ARHGAP44: variants seen among roughly 807,000 people sequenced by gnomAD.
ARHGAP44 encodes rho GTPase-activating protein 44.
ARHGAP44 carries 43 observed loss-of-function variants against 106.8 expected under a neutral mutation model. The ratio of observed to expected loss-of-function variants is 0.40; its 90% CI spans 0.32 to 0.52. The LOEUF (loss-of-function observed/expected upper bound fraction) is 0.52. Among genes scored for constraint, ARHGAP44 ranks in the 20% least tolerant of loss-of-function variants. The pLI is 0.48. For synonymous variants in ARHGAP44, 439 were observed against 410.3 expected (o/e 1.07, Z -0.85); for missense variants, 866 against 1,050.5 (o/e 0.82, Z 2.43).
chr17:12,860,883 A>G (rs1404635104), intron 1 of ARHGAP44, among the ~76,000 whole-genome samples: 11 of 134,232 alleles, frequency 8.2e-5, no homozygotes, highest in African/African-American at 3.2e-4. Flanking sequence ...TTTTTTTGAG[A>G]CAAGGTCTTG....
At chr17:12,950,081 C>T (rs1462157796) in intron 12 of ARHGAP44, among the ~76,000 whole-genome samples, 1 of 152,132 alleles carries the variant, frequency 6.6e-6, no homozygotes, top group Non-Finnish European at 1.5e-5. Context: ...AACAAGGACT[C>T]CTGTGACATT....
In ARHGAP44 at chr17:12,831,092, T is replaced by C. The variant is rs866001778; in HGVS notation, c.53+41201T>C. ...GGCTCGCTTTCAAAGGAATTAAGTA[T>C]TGAGTGTTTACTATGCTCCAGAACA... On this transcript the variant is annotated intron_variant, in intron 1 of 20. Coordinates refer to ENST00000379672, the MANE Select transcript of ARHGAP44 (RefSeq NM_014859.6). 3.3e-5 allele frequency among the ~76,000 whole-genome samples: 5 copies of C among 152,366 alleles called. No homozygotes were observed. The Middle Eastern group carries it at 0.01, about 311-fold the overall frequency.
At chr17:12,966,085 G>T (rs2039383196) in intron 16 of ARHGAP44, among the ~76,000 whole-genome samples, 2 of 152,054 alleles carry the variant, frequency 1.3e-5, no homozygotes, top group Middle Eastern at 3.4e-3. Context: ...GAGCCTGGGA[G>T]GTGGAGGCTG....
intron 19 of ARHGAP44, 32 bp downstream of exon 19, chr17:12,980,265 A>C (rs1270971928): frequency 3.2e-6 from 5 of 1,571,720 alleles, no homozygotes; most frequent in African/African-American, 2.7e-5. Context: ...CCTTGGTCTC[A>C]GGCCGGAGGT....
intron 18 of ARHGAP44, among the ~76,000 whole-genome samples, 183 bp downstream of exon 18, chr17:12,974,493 A>G (rs2039621933): frequency 6.6e-6 from 1 of 152,148 alleles, no homozygotes; most frequent in African/African-American, 2.4e-5. Flanking sequence ...TGCCTGGATT[A>G]TCACACGAAG....
At chr17:12,986,995 C>T (rs561440284) in intron 20 of ARHGAP44, 7 of 1,059,268 alleles carry the variant, frequency 6.6e-6, no homozygotes, top group African/African-American at 4.8e-5. Flanking sequence ...TGATGTGGCC[C>T]GTCTGGGACT....
chr17:12,804,394 C>A (rs1226529963), intron 1 of ARHGAP44, among the ~76,000 whole-genome samples: 1 of 152,174 alleles, frequency 6.6e-6, no homozygotes, highest in Non-Finnish European at 1.5e-5. Flanking sequence ...TCCATCAAGA[C>A]CCCATCTGGA....
chr17:12,907,242 G>C (rs2037578336), intron 3 of ARHGAP44, among the ~76,000 whole-genome samples: 1 of 152,228 alleles, frequency 6.6e-6, no homozygotes, highest in South Asian at 2.1e-4. Flanking sequence ...TTCTGTCTGT[G>C]TGTACTGGCT....
intron 1 of ARHGAP44, among the ~76,000 whole-genome samples, chr17:12,867,550 C>G (rs539842364): frequency 9.7e-4 from 148 of 152,246 alleles, no homozygotes; most frequent in African/African-American, 3.4e-3. Flanking sequence ...AGACTTGCAC[C>G]TTGGAGACCT....
intron 3 of ARHGAP44, among the ~76,000 whole-genome samples, chr17:12,898,909 T>G (rs948535773): frequency 3.3e-5 from 5 of 152,162 alleles, no homozygotes; most frequent in Non-Finnish European, 7.3e-5. Flanking sequence ...AAGTCCGCAG[T>G]GGAAGTAGGT....
In ARHGAP44 at chr17:12,839,759, G is replaced by A. The variant is rs192063056; in HGVS notation, c.53+49868G>A. 2.6e-3 allele frequency among the ~76,000 whole-genome samples: 389 copies of A among 152,214 alleles called. 2 individuals carry two copies. The highest frequency in any genetic ancestry group is 8.5e-3 in the African/African-American group (353 of 41,524). ...GGATATTCATTTTTACTGTCCTTTA[G>A]GCTCCTCTTCTCTTTTCACATTATA... On this transcript the variant is annotated intron_variant, in intron 1 of 20. Transcript: ENST00000379672.
At chr17:12,938,898 T>C (rs770565084) in intron 7 of ARHGAP44, among the ~76,000 whole-genome samples, 12 of 152,194 alleles carry the variant, frequency 7.9e-5, no homozygotes, top group Non-Finnish European at 1.5e-4. Flanking sequence ...AGGGCACATA[T>C]AGATTTTTGT....
intron 1 of ARHGAP44, among the ~76,000 whole-genome samples, chr17:12,868,591 T>TTATATATATA (rs1209692482): frequency 0.037 from 1,707 of 45,592 alleles, 22 homozygotes; most frequent in Non-Finnish European, 0.055. Flanking sequence ...TATATGCATT[T>TTATATATATA]TATATATATA....
At position 12,990,021 on chromosome 17, in the gene ARHGAP44, C is replaced by T. The variant is rs1331850853; in HGVS notation, c.2318-11C>T. 1.9e-6 allele frequency: 3 copies of T among 1,594,598 alleles called. No homozygotes were observed. The highest frequency in any genetic ancestry group is 1.7e-4 in the Middle Eastern group (1 of 6,000). ...CTCCTTTCAACCACCTCTCTCTCTG[C>T]CGCCTTCCAGATCTTGTCCACTTTG... On this transcript the variant is annotated splice_polypyrimidine_tract_variant and intron_variant, in intron 20 of 20. Transcript: ENST00000379672.
chr17:12,818,265 A>G (rs927807370), intron 1 of ARHGAP44, among the ~76,000 whole-genome samples: 2 of 150,318 alleles, frequency 1.3e-5, no homozygotes, highest in African/African-American at 2.4e-5. Context: ...TTCAAAATCC[A>G]TTCATGATAA....
At chr17:12,795,169 A>T (rs1166873597) in intron 1 of ARHGAP44, among the ~76,000 whole-genome samples, 1 of 152,232 alleles carries the variant, frequency 6.6e-6, no homozygotes, top group Non-Finnish European at 1.5e-5. Context: ...AGCGCTGTGC[A>T]CATTGAATGG....
intron 1 of ARHGAP44, among the ~76,000 whole-genome samples, chr17:12,880,243 A>G (rs1211629477): frequency 6.6e-6 from 1 of 152,150 alleles, no homozygotes; most frequent in East Asian, 1.9e-4. Flanking sequence ...ATTATGAAAC[A>G]ATGTTAAGAA....
intron 16 of ARHGAP44, among the ~76,000 whole-genome samples, chr17:12,967,917 G>C (rs1415108895): frequency 6.6e-6 from 1 of 152,216 alleles, no homozygotes; most frequent in Non-Finnish European, 1.5e-5. Context: ...AGAGTCTTGA[G>C]CTTTGGAATC....
chr17:12,888,603 T>C (rs970434028), intron 1 of ARHGAP44, among the ~76,000 whole-genome samples: 16 of 152,204 alleles, frequency 1.1e-4, no homozygotes, highest in African/African-American at 3.6e-4. Context: ...TTAGATCTTA[T>C]TGGTTAATGG....
Sources: allele counts gnomAD v4.1 joint callset (sites outside exome capture counted in the v4.1 genomes callset), GRCh38; gene constraint gnomAD v4.1.1; transcripts MANE v1.5; gene names NCBI Gene and HGNC (gene_info 2026-07-23, HGNC 2026-07-21).